Variants in CACNG3 observed in about 807,000 individuals in gnomAD.
CACNG3 encodes calcium voltage-gated channel auxiliary subunit gamma 3.
Under a neutral mutation model 28.5 loss-of-function variants are expected in CACNG3, and 3 were observed. That is an observed-to-expected ratio of 0.11 (90% CI 0.05 to 0.27). CACNG3 has a LOEUF of 0.27. Ranked by LOEUF, CACNG3 falls within the 10% of genes least tolerant of loss-of-function variation. The probability of loss-of-function intolerance (pLI) is 1.00; values close to 1 mark genes in which losing one functional copy is unlikely to be tolerated. For synonymous variants in CACNG3, 174 were observed against 162.2 expected (o/e 1.07, Z -0.55); for missense variants, 236 against 414.4 (o/e 0.57, Z 3.74).
Position 24,273,044 on chromosome 16 carries a change from T to A in CACNG3, c.211+16079T>A, listed in dbSNP as rs906203131. On this transcript the variant is annotated intron_variant, in intron 1 of 3. Transcript: ENST00000005284. ...CCAGTGTGTGTTGTTCCCCTCTATG[T>A]GTCCATGTGTTCTCATCATTTAGCT... 3.9e-5 allele frequency among the ~76,000 whole-genome samples: 6 copies of A among 152,282 alleles called. No individual in the cohort carries two copies. The South Asian group carries it at 1.2e-3, about 32-fold the overall frequency.
intron 1 of CACNG3, among the ~76,000 whole-genome samples, chr16:24,282,773 T>G (rs1022883809): frequency 6.6e-6 from 1 of 152,148 alleles, no homozygotes; most frequent in Non-Finnish European, 1.5e-5. Context: ...TATGAACATA[T>G]CTATTTCTGA....
chr16:24,312,901 A>G (rs1899283552), intron 1 of CACNG3, among the ~76,000 whole-genome samples: 1 of 125,268 alleles, frequency 8.0e-6, no homozygotes, highest in Non-Finnish European at 1.6e-5. Context: ...AAAAGGAAAG[A>G]AAGAAGGAAG....
intron 1 of CACNG3, among the ~76,000 whole-genome samples, chr16:24,295,114 G>C (rs911628244): frequency 1.3e-5 from 2 of 152,172 alleles, no homozygotes; most frequent in Non-Finnish European, 2.9e-5. Context: ...CCACCTGCCA[G>C]TTTAGCAAGA....
intron 1 of CACNG3, among the ~76,000 whole-genome samples, chr16:24,290,464 T>C (rs1008236675): frequency 2.6e-5 from 4 of 152,218 alleles, no homozygotes; most frequent in Non-Finnish European, 5.9e-5. Context: ...CTGGAAAAGT[T>C]GGTGGCTAAG....
At chr16:24,278,575 C>T (rs1246963720) in intron 1 of CACNG3, among the ~76,000 whole-genome samples, 1 of 152,084 alleles carries the variant, frequency 6.6e-6, no homozygotes, top group African/African-American at 2.4e-5. Flanking sequence ...GAGATTGCAC[C>T]ACTGCACTCC....
rs116225792 is a variant in CACNG3, at chr16:24,312,266, G to A, written c.212-34468G>A. Among the ~76,000 whole-genome samples, 357 of 152,284 alleles carry A rather than the reference G, an allele frequency of 2.3e-3. 2 individuals carry two copies. Among genetic ancestry groups the A allele is most frequent in the African/African-American group, 8.2e-3 (339 of 41,560 alleles). On this transcript the variant is annotated intron_variant, in intron 1 of 3. Transcript: ENST00000005284. Reference sequence around the variant, plus strand: ...CAACTCTTCCTGTCATAACTGAGCCGAGCATCTGCTCCTGTCCCATCTATC... The same window carrying A: ...CAACTCTTCCTGTCATAACTGAGCCAAGCATCTGCTCCTGTCCCATCTATC...
intron 1 of CACNG3, among the ~76,000 whole-genome samples, chr16:24,257,370 AGAGAGAG>A (rs1898475712): frequency 1.4e-4 from 1 of 6,970 alleles, no homozygotes; most frequent in Non-Finnish European, 2.9e-4. Flanking sequence ...GTGAGGGGGG[AGAGAGAG>A]AGAGAGAGAG....
rs1297026328 is a variant in CACNG3 at position 24,312,959 on chromosome 16, A to AAGAAAGAAAGAAAGAAAGAG, written c.212-33766_212-33765insGAAAGAAAGAGAGAAAGAAA. Among the ~76,000 whole-genome samples, 694 of 139,662 alleles carry AAGAAAGAAAGAAAGAAAGAG rather than the reference A, an allele frequency of 5.0e-3. 8 individuals carry two copies. Among genetic ancestry groups the AAGAAAGAAAGAAAGAAAGAG allele is most frequent in the African/African-American group, 8.8e-3 (328 of 37,392 alleles). The allele number at this position is 139,662 out of a possible 152,430, so 91.6% of individuals were successfully genotyped here. ...AGAAAGAAAGAAAGAAAGAAAGAGA[A>AAGAAAGAAAGAAAGAAAGAG]AGAAAGAAAAGAAAGAAAGAAATAA... On this transcript the variant is annotated intron_variant, in intron 1 of 3. Transcript: ENST00000005284.
chr16:24,334,602 C>G (rs944836529), intron 1 of CACNG3, among the ~76,000 whole-genome samples: 1 of 152,232 alleles, frequency 6.6e-6, no homozygotes, highest in Non-Finnish European at 1.5e-5. Context: ...TTTAGGATCT[C>G]CCTTCAGGAC....
At chr16:24,354,283 G>A (rs140503044) in intron 2 of CACNG3, among the ~76,000 whole-genome samples, 14 of 152,242 alleles carry the variant, frequency 9.2e-5, no homozygotes, top group Admixed American at 5.9e-4. Context: ...TCTATTTGCC[G>A]TTTAATATCA....
intron 1 of CACNG3, among the ~76,000 whole-genome samples, chr16:24,323,938 G>GT (rs1184842565): frequency 6.6e-6 from 1 of 152,060 alleles, no homozygotes; most frequent in Non-Finnish European, 1.5e-5. Flanking sequence ...AGGCTAATTT[G>GT]TTTATTTTTA....
intron 1 of CACNG3, among the ~76,000 whole-genome samples, chr16:24,258,632 A>G (rs545080138): frequency 1.2e-4 from 19 of 152,200 alleles, no homozygotes; most frequent in Non-Finnish European, 2.4e-4. Context: ...GAAGTCATTT[A>G]CCTCAGGGAA....
chr16:24,357,373 AGG>A (rs1900047199), intron 3 of CACNG3, among the ~76,000 whole-genome samples: 1 of 152,150 alleles, frequency 6.6e-6, no homozygotes, highest in South Asian at 2.1e-4. Flanking sequence ...TTAAAATTCA[AGG>A]TGAGATTTGG....
chr16:24,328,593 C>G (rs543537750), intron 1 of CACNG3, among the ~76,000 whole-genome samples: 4 of 150,936 alleles, frequency 2.7e-5, no homozygotes, highest in African/African-American at 9.9e-5. Flanking sequence ...AGAAAATAAA[C>G]TAGGCAATAA....
chr16:24,344,752 T>C (rs1478454417), intron 1 of CACNG3, among the ~76,000 whole-genome samples: 2 of 152,238 alleles, frequency 1.3e-5, no homozygotes, highest in Non-Finnish European at 2.9e-5. Context: ...TATTATGAAA[T>C]GGCTCTGGCC....
intron 2 of CACNG3, 144 bp from the exon 3 acceptor site, chr16:24,354,689 G>A (rs1231556248): frequency 1.3e-6 from 1 of 752,934 alleles, no homozygotes; most frequent in Non-Finnish European, 2.2e-6. Context: ...CACAGGCCCT[G>A]AGCGCCTGGT....
rs751696916 is a variant in CACNG3 at position 24,361,864 on chromosome 16, A to ACTGACCT, written c.*12_*18dup. 3.5e-5 allele frequency: 56 copies of ACTGACCT among 1,599,962 alleles called. No homozygotes were observed. In the African/African-American group the frequency reaches 5.5e-4, roughly 16 times the overall value. ...CAACAGGCGCACCACGCCCGTCTGA[A>ACTGACCT]CTGACCTCTGACCTCTGCCCCACGC... On this transcript the variant is annotated 3_prime_UTR_variant, in exon 4 of 4. Transcript: ENST00000005284. The surrounding 1 kb of genome is among the most constrained non-coding windows in gnomAD (Gnocchi z 6.8).
chr16:24,281,708 A>C (rs960100045), intron 1 of CACNG3, among the ~76,000 whole-genome samples: 1 of 152,222 alleles, frequency 6.6e-6, no homozygotes, highest in Admixed American at 6.5e-5. Context: ...ATAGATCCCC[A>C]AAGATAATTA....
chr16:24,258,576 A>G (rs1408811826), intron 1 of CACNG3, among the ~76,000 whole-genome samples: 6 of 152,230 alleles, frequency 3.9e-5, no homozygotes, highest in Non-Finnish European at 8.8e-5. Flanking sequence ...TTTCCTAAAC[A>G]ATGACAAAAG....
Sources: gnomAD v4.1 joint callset for allele counts (sites outside exome capture counted in the v4.1 genomes callset) on GRCh38, gnomAD v4.1.1 for gene constraint, Gnocchi (gnomAD v3.1) non-coding constraint, MANE v1.5 for transcripts, NCBI Gene and HGNC (gene_info 2026-07-23, HGNC 2026-07-21) for gene names.